The following TMEM30A variants were observed in gnomAD, a reference collection of about 807,000 sequenced individuals.
The protein encoded by TMEM30A is cell division cycle 50 P4-ATPase accessory subunit A.
A neutral mutation model predicts 38.2 loss-of-function variants in TMEM30A; 24 were observed. The ratio of observed to expected loss-of-function variants is 0.63; its 90% CI spans 0.46 to 0.88. TMEM30A has a LOEUF of 0.88. Among genes scored for constraint, TMEM30A ranks in the 40% least tolerant of loss-of-function variants. TMEM30A has a pLI of 0.00. For synonymous variants in TMEM30A, 145 were observed against 161.6 expected (o/e 0.90, Z 0.78); for missense variants, 370 against 458.6 (o/e 0.81, Z 1.77).
intron 1 of TMEM30A, among the ~76,000 whole-genome samples, chr6:75,274,166 G>T (rs240403): frequency 0.91 from 139,046 of 152,230 alleles, 63,758 homozygotes; most frequent in East Asian, 0.98. Flanking sequence ...GGAACTGCAT[G>T]TGAAAATGTG....
chr6:75,256,193 A>G lies in TMEM30A; in HGVS notation c.995T>C (p.Val332Ala), dbSNP rs764433451. The G allele has an allele frequency of 1.2e-6, 2 of 1,613,546 alleles. No individual in the cohort carries two copies. The highest frequency in any genetic ancestry group is 2.2e-5 in the East Asian group (1 of 44,848). ...NPFLGIAYIA[V>A]GSISFLLGVV... The stretch of plus-strand genomic sequence containing the variant: ...TCCCAGAAGGAAGGAGATGGATCCA[A>G]CAGCGATGTAAGCAATCCCCAAAAA... The change falls in exon 7 of 7, where the codon GTT becomes GCT. Residue 332 changes from valine to alanine, a missense_variant. Transcript: ENST00000230461.
At chr6:75,258,680 A>C (rs957848149) in intron 6 of TMEM30A, 100 bp downstream of exon 6, 1 of 1,080,228 alleles carries the variant, frequency 9.3e-7, no homozygotes, top group Non-Finnish European at 1.3e-6. Context: ...TGCAGAGACC[A>C]AAACTAAAGC....
intron 3 of TMEM30A, among the ~76,000 whole-genome samples, chr6:75,261,586 C>T (rs1313559117): frequency 6.6e-6 from 1 of 152,116 alleles, no homozygotes; most frequent in Non-Finnish European, 1.5e-5. Context: ...TTATGGGATT[C>T]AACTAGAGAT....
At chr6:75,258,147 T>A (rs1365342740) in intron 6 of TMEM30A, among the ~76,000 whole-genome samples, 1 of 152,180 alleles carries the variant, frequency 6.6e-6, no homozygotes, top group Admixed American at 6.5e-5. Context: ...GTCAGCTAAG[T>A]TACTTAAGTG....
At chr6:75,265,107 A>G (rs2149520397) in intron 3 of TMEM30A, 124 bp downstream of exon 3, 1 of 596,008 alleles carries the variant, frequency 1.7e-6, no homozygotes, top group Non-Finnish European at 2.6e-6. Context: ...GGGGGGAAAA[A>G]AATCCTCACT....
At chr6:75,267,824 T>C in intron 1 of TMEM30A, 76 bp from the exon 2 acceptor site, 1 of 971,870 alleles carries the variant, frequency 1.0e-6, no homozygotes, top group Non-Finnish European at 1.5e-6. Context: ...GACTTGCTAT[T>C]AAAAGGAAAA....
At chr6:75,274,966 G>A (rs1772236884) in intron 1 of TMEM30A, among the ~76,000 whole-genome samples, 1 of 150,032 alleles carries the variant, frequency 6.7e-6, no homozygotes, top group African/African-American at 2.5e-5. Flanking sequence ...AGCCAAGATC[G>A]TGCCACTGCA....
rs755065009 is a variant in TMEM30A at position 75,265,371 on chromosome 6, T to TA, written c.346-34dup. The TA allele has an allele frequency of 5.5e-5, 71 of 1,297,814 alleles. No homozygotes were observed. The South Asian group carries it at 8.7e-4, about 16-fold the overall frequency. The allele number at this position is 1,297,814 out of a possible 1,614,324, so 80.4% of individuals were successfully genotyped here. On this transcript the variant is annotated intron_variant, in intron 2 of 6. Coordinates refer to ENST00000230461, the MANE Select transcript of TMEM30A (RefSeq NM_018247.4). ...AACAGAGAGGGAAAAAATTTTCATA[T>TA]AAAAACTATTCTGTATAAACTTATT...
At chr6:75,282,041 T>A (rs1172970493) in intron 1 of TMEM30A, among the ~76,000 whole-genome samples, 1 of 152,228 alleles carries the variant, frequency 6.6e-6, no homozygotes, top group South Asian at 2.1e-4. Flanking sequence ...CATTTCCTCC[T>A]GTTTCAAAGG....
At position 75,265,342 on chromosome 6, in the gene TMEM30A, G is replaced by T; in HGVS notation, c.346-4C>A. On this transcript the variant is annotated splice_region_variant and splice_polypyrimidine_tract_variant and intron_variant, in intron 2 of 6. Transcript: ENST00000230461. ...CATAATACATAAACACGTTGCCCTA[G>T]AGAAACAGAGAGGGAAAAAATTTTC... is the stretch of plus-strand genomic sequence containing the variant. 1 of 1,547,624 alleles carries T rather than the reference G, an allele frequency of 6.5e-7. No individual in the cohort carries two copies. The highest frequency in any genetic ancestry group is 1.2e-5 in the South Asian group (1 of 84,026).
At chr6:75,272,773 G>A (rs1191362720) in intron 1 of TMEM30A, 1 of 152,172 alleles carries the variant, frequency 6.6e-6, no homozygotes, top group African/African-American at 2.4e-5. Flanking sequence ...GCAATTGCTG[G>A]AATTGTTTCC....
At chr6:75,269,428 T>A (rs185917503) in intron 1 of TMEM30A, among the ~76,000 whole-genome samples, 2 of 152,358 alleles carry the variant, frequency 1.3e-5, no homozygotes, top group Admixed American at 1.3e-4. Context: ...TTCTTTCACT[T>A]AGTAATACTC....
intron 1 of TMEM30A, among the ~76,000 whole-genome samples, chr6:75,280,121 C>T (rs1772333497): frequency 6.6e-6 from 1 of 152,104 alleles, no homozygotes; most frequent in Non-Finnish European, 1.5e-5. Flanking sequence ...GAATGATGTT[C>T]CTAAGCCAAT....
chr6:75,258,781 G>A lies in TMEM30A; in HGVS notation c.891C>T (p.Tyr297=), dbSNP rs1232459095. 1.9e-6 allele frequency: 3 copies of A among 1,613,474 alleles called. No individual in the cohort carries two copies. The highest frequency in any genetic ancestry group is 1.7e-5 in the Admixed American group (1 of 60,012). ...PAGRYSLNVT[Y]NYPVHYFDGR... ...GTATACCCAGCCAAAAAAGGATACT[G>A]TATGTGACATTCAAAGAGTATCGGC... The change falls in exon 6 of 7, where the codon TAC becomes TAT. Residue 297 remains tyrosine (Y), a splice_region_variant and synonymous_variant. Transcript: ENST00000230461.
chr6:75,256,927 A>C (rs565466049), intron 6 of TMEM30A, among the ~76,000 whole-genome samples: 1 of 152,242 alleles, frequency 6.6e-6, no homozygotes, highest in East Asian at 1.9e-4. Flanking sequence ...ATCTACATGG[A>C]CCAGTTGTAG....
At chr6:75,264,327 T>C (rs137876303) in intron 3 of TMEM30A, among the ~76,000 whole-genome samples, 13 of 152,322 alleles carry the variant, frequency 8.5e-5, no homozygotes, top group Middle Eastern at 3.4e-3. Context: ...GTTTGCTGCA[T>C]TGGCAACAGT....
rs990350340 is a variant in TMEM30A, at chr6:75,258,716, T to C, written c.892+64A>G. 5.6e-6 allele frequency: 8 copies of C among 1,421,716 alleles called. No homozygotes were observed. In the African/African-American group the frequency reaches 1.1e-4, roughly 20 times the overall value. The allele number at this position is 1,421,716 out of a possible 1,614,324, so 88.1% of individuals were successfully genotyped here. A position where few individuals can be genotyped will look rare whatever the true frequency, so the allele number is the denominator to read the frequency against. On this transcript the variant is annotated intron_variant, in intron 6 of 6. Coordinates refer to ENST00000230461, the MANE Select transcript of TMEM30A (RefSeq NM_018247.4). ...ACAAGGTAACATGCCACATAACAGA[T>C]ATAAGGTTGGACTCGACTCCTTTCA...
chr6:75,284,136 C>A, intron 1 of TMEM30A: 1 of 515,800 alleles, frequency 1.9e-6, no homozygotes, highest in East Asian at 3.6e-5. Flanking sequence ...GACCTATCTT[C>A]TGCATTAAAC....
At chr6:75,262,871 T>C (rs1317824415) in intron 3 of TMEM30A, among the ~76,000 whole-genome samples, 1 of 152,226 alleles carries the variant, frequency 6.6e-6, no homozygotes. Context: ...TCAGCAAATA[T>C]TTATTAAATG....
Sources: gnomAD v4.1 joint callset for allele counts (sites outside exome capture counted in the v4.1 genomes callset) on GRCh38, gnomAD v4.1.1 for gene constraint, MANE v1.5 for transcripts, NCBI Gene and HGNC (gene_info 2026-07-23, HGNC 2026-07-21) for gene names.